AFDN: variants seen among roughly 807,000 people sequenced by gnomAD.
AFDN encodes afadin.
AFDN carries 68 observed loss-of-function variants against 216.6 expected under a neutral mutation model. The ratio of observed to expected loss-of-function variants is 0.31; its 90% CI spans 0.26 to 0.38. The LOEUF (loss-of-function observed/expected upper bound fraction) is 0.38. Ranked by LOEUF, AFDN falls within the 10% of genes least tolerant of loss-of-function variation. The pLI is 1.00. For missense variants in AFDN, 2,136 were observed against 2,342.0 expected (o/e 0.91, Z 1.82); for synonymous variants, 868 against 853.7 (o/e 1.02, Z -0.29).
At chr6:167,870,220 A>C (rs1784641106) in intron 2 of AFDN, among the ~76,000 whole-genome samples, 166 bp from the exon 3 acceptor site, 1 of 152,246 alleles carries the variant, frequency 6.6e-6, no homozygotes, top group African/African-American at 2.4e-5. Context: ...TAGCAACAAA[A>C]TGTTGAATTA....
chr6:167,846,713 GTT>G lies in AFDN; in HGVS notation c.106-17823_106-17822del, dbSNP rs150717891. On this transcript the variant is annotated intron_variant, in intron 1 of 33. Transcript: ENST00000683244. The stretch of plus-strand genomic sequence containing the variant: ...TAATATTTAAAAAAAAAACCAAGTT[GTT>G]TTTTTTTTTTTTTTCAATGTATCTT... 8.6e-5 allele frequency among the ~76,000 whole-genome samples: 9 copies of G among 105,156 alleles called. No individual in the cohort carries two copies. In the South Asian group the frequency reaches 2.6e-3, roughly 30 times the overall value. The allele number at this position is 105,156 out of a possible 152,430, so 69.0% of individuals were successfully genotyped here.
chr6:167,829,851 C>G (rs1779636008), intron 1 of AFDN, among the ~76,000 whole-genome samples: 1 of 152,038 alleles, frequency 6.6e-6, no homozygotes, highest in African/African-American at 2.4e-5. Context: ...TTTAAGAAAA[C>G]TAGAGTATGT....
chr6:167,950,854 C>CTTT (rs562302204), intron 29 of AFDN, among the ~76,000 whole-genome samples: 3 of 127,408 alleles, frequency 2.4e-5, no homozygotes, highest in South Asian at 5.1e-4. Context: ...TGCTTTTTTG[C>CTTT]TTTTTTTTTT....
At chr6:167,882,024 A>T (rs1009216333) in intron 6 of AFDN, among the ~76,000 whole-genome samples, 14 of 152,198 alleles carry the variant, frequency 9.2e-5, no homozygotes, top group African/African-American at 2.9e-4. Flanking sequence ...ACATTTGAAA[A>T]AAGTACCTTT....
chr6:167,925,178 TTTA>T, intron 23 of AFDN, 87 bp downstream of exon 23: 2 of 916,746 alleles, frequency 2.2e-6, no homozygotes, highest in Non-Finnish European at 3.6e-6. Flanking sequence ...GTGGGAGTAC[TTTA>T]CCACCTGTGT....
chr6:167,827,456 C>G (rs1779263248), intron 1 of AFDN, among the ~76,000 whole-genome samples: 1 of 143,714 alleles, frequency 7.0e-6, no homozygotes, highest in African/African-American at 2.5e-5. Context: ...GTCGCGCGGG[C>G]CGAGCGGGGG....
At position 167,951,608 on chromosome 6, in the gene AFDN, G is replaced by A. The variant is rs755990180; in HGVS notation, c.4254G>A (p.Lys1418=). 9 of 1,614,144 alleles carry A rather than the reference G, an allele frequency of 5.6e-6. No homozygotes were observed. Among genetic ancestry groups the A allele is most frequent in the Non-Finnish European group, 1.7e-6 (2 of 1,180,022 alleles). The change falls in exon 30 of 34, where the codon AAG becomes AAA. Residue 1418 remains lysine, a synonymous_variant. Coordinates refer to ENST00000683244, the MANE Select transcript of AFDN (RefSeq NM_001386888.1). This position sits in a 1 kb window ranked among gnomAD's most constrained non-coding sequence, Gnocchi z 7.1. ...AGGTGGCTGCTGCTGAACGGAGAAA[G>A]AGAGAAGAACATCAGCGTTGGTATG... ...SAQVAAAERR[K]REEHQRWYEK... is the part of the protein sequence containing the mutation.
In AFDN at chr6:167,939,827, G is replaced by A. The variant is rs577887922; in HGVS notation, c.3100-3302G>A. ...AGTATTTTTCCGTAGTGTGTCTTAG[G>A]TCCCTAGATTCAAGGAAACCCAACA... On this transcript the variant is annotated intron_variant, in intron 23 of 33. Transcript: ENST00000683244. 2.2e-3 allele frequency among the ~76,000 whole-genome samples: 330 copies of A among 152,260 alleles called. 3 individuals carry two copies. The highest frequency in any genetic ancestry group is 7.5e-3 in the African/African-American group (310 of 41,552).
rs34546048 is a variant in AFDN, at chr6:167,957,195, T to TG, written c.4833+5016dup. Among the ~76,000 whole-genome samples the TG allele has an allele frequency of 4.0e-3, 602 of 151,740 alleles. 3 individuals carry two copies. The highest frequency in any genetic ancestry group is 5.7e-3 in the Non-Finnish European group (388 of 67,862). ...GCCCACCTGCCCCCACTGCTTCATA[T>TG]GGGGGGGGCCCACCTGCCCATGCTG... On this transcript the variant is annotated intron_variant, in intron 30 of 33. Coordinates refer to ENST00000683244, the MANE Select transcript of AFDN (RefSeq NM_001386888.1).
At chr6:167,887,673 G>A (rs1787037953) in intron 6 of AFDN, among the ~76,000 whole-genome samples, 1 of 152,088 alleles carries the variant, frequency 6.6e-6, no homozygotes, top group South Asian at 2.1e-4. Context: ...GCCCAGGCTG[G>A]TGTCGAACTC....
At position 167,951,649 on chromosome 6, in the gene AFDN, G is replaced by T. The variant is rs1273374909; in HGVS notation, c.4295G>T (p.Arg1432Leu). The T allele has an allele frequency of 3.7e-6, 6 of 1,613,946 alleles. No homozygotes were observed. In the African/African-American group the frequency reaches 4.0e-5, roughly 11 times the overall value. The change falls in exon 30 of 34, where the codon CGC becomes CTC. Residue 1432 changes from arginine (R) to leucine (L), a missense_variant. This residue lies in a region of AFDN where 981 missense variants were observed against 966.0 expected (regional missense o/e 1.02). Coordinates refer to ENST00000683244, the MANE Select transcript of AFDN (RefSeq NM_001386888.1). The surrounding 1 kb of genome is among the most constrained non-coding windows in gnomAD (Gnocchi z 7.1). ...CGTTGGTATGAGAAGGAGAAGGCCC[G>T]CCTGGAGGAGGAGCGGGAGAGGAAG... ...HQRWYEKEKA[R>L]LEEERERKRR...
Position 167,907,215 on chromosome 6 carries a change from C to G in AFDN, c.1695C>G (p.Ser565Arg). 1 of 1,614,184 alleles carries G rather than the reference C, an allele frequency of 6.2e-7. No homozygotes were observed. The change falls in exon 13 of 34, where the codon AGC (serine) becomes AGG (arginine). Residue 565 changes from serine (S) to arginine (R), a missense_variant. By Grantham distance (110) the Ser-to-Arg change is moderately radical (BLOSUM62 -1). Transcript: ENST00000683244. ...LDSDRVSSAS[S>R]TAERGMVKPM... ...GCGACAGAGTGTCGTCTGCCTCTAG[C>G]ACAGCCGAGCGGGGAATGGTGAAGC... is the stretch of plus-strand genomic sequence containing the variant.
chr6:167,840,269 C>G (rs1392691385), intron 1 of AFDN, among the ~76,000 whole-genome samples: 1 of 152,216 alleles, frequency 6.6e-6, no homozygotes, highest in East Asian at 1.9e-4. Flanking sequence ...TGTGCGCAGA[C>G]ATGTGTGAAT....
At chr6:167,869,128 G>A (rs1461476104) in intron 2 of AFDN, among the ~76,000 whole-genome samples, 1 of 151,720 alleles carries the variant, frequency 6.6e-6, no homozygotes. Flanking sequence ...GTGTGACAGG[G>A]CACTGTCATA....
chr6:167,890,144 C>T lies in AFDN; in HGVS notation c.1010-718C>T, dbSNP rs147476490. ...TTAATAACGACATAAAAATGTATTG[C>T]CATTTAATCGTGTCAATATGGAATG... On this transcript the variant is annotated intron_variant, in intron 7 of 33. Transcript: ENST00000683244. Among the ~76,000 whole-genome samples the T allele has an allele frequency of 7.0e-3, 1,070 of 152,194 alleles. 9 individuals are homozygous for T. The highest frequency in any genetic ancestry group is 9.9e-3 in the Non-Finnish European group (673 of 68,010).
intron 1 of AFDN, among the ~76,000 whole-genome samples, chr6:167,836,705 CAATTT>C (rs1474192674): frequency 5.9e-5 from 9 of 152,054 alleles, no homozygotes; most frequent in African/African-American, 1.7e-4. Context: ...TTTAAGTCAC[CAATTT>C]AATTGTTATA....
At chr6:167,869,445 T>TG (rs1784557021) in intron 2 of AFDN, among the ~76,000 whole-genome samples, 1 of 152,208 alleles carries the variant, frequency 6.6e-6, no homozygotes, top group African/African-American at 2.4e-5. Flanking sequence ...TGTTTAAATT[T>TG]GTAGCACTGG....
At chr6:167,853,226 T>C (rs965776427) in intron 1 of AFDN, among the ~76,000 whole-genome samples, 1 of 151,902 alleles carries the variant, frequency 6.6e-6, no homozygotes, top group Non-Finnish European at 1.5e-5. Flanking sequence ...TAATTTTATA[T>C]CTCTTTTCTC....
At chr6:167,907,405 A>G in intron 13 of AFDN, 116 bp downstream of exon 13, 2 of 773,884 alleles carry the variant, frequency 2.6e-6, no homozygotes, top group East Asian at 5.3e-5. Context: ...AATGTTAGCA[A>G]TAATATTTTA....
Sources: allele counts gnomAD v4.1 joint callset (sites outside exome capture counted in the v4.1 genomes callset), GRCh38; gene constraint gnomAD v4.1.1; regional missense constraint gnomAD v4.1.1; non-coding constraint Gnocchi (gnomAD v3.1); transcripts MANE v1.5; gene names NCBI Gene and HGNC (gene_info 2026-07-23, HGNC 2026-07-21).